Variants in UBXN7 observed in about 807,000 individuals in gnomAD.
UBXN7 encodes the protein UBX domain protein 7.
Under a neutral mutation model 58.0 loss-of-function variants are expected in UBXN7, and 9 were observed. The ratio of observed to expected loss-of-function variants is 0.16; its 90% CI spans 0.09 to 0.27. The LOEUF is 0.27. Ranked by LOEUF, UBXN7 falls within the 10% of genes least tolerant of loss-of-function variation. The probability of loss-of-function intolerance (pLI) is 1.00; values close to 1 mark genes in which losing one functional copy is unlikely to be tolerated. For synonymous variants in UBXN7, 208 were observed against 205.0 expected, an observed-to-expected ratio of 1.01 and a Z score of -0.12; for missense variants, 328 against 599.6, an observed-to-expected ratio of 0.55 and a Z score of 4.73.
At chr3:196,371,875 C>A in intron 6 of UBXN7, 21 bp downstream of exon 6, 3 of 1,601,880 alleles carry the variant, frequency 1.9e-6, no homozygotes, top group Non-Finnish European at 2.6e-6. Context: ...TACAAAACTT[C>A]TGATTAACTC....
At chr3:196,394,847 A>G (rs1241585921) in intron 3 of UBXN7, among the ~76,000 whole-genome samples, 1 of 152,212 alleles carries the variant, frequency 6.6e-6, no homozygotes, top group Non-Finnish European at 1.5e-5. Context: ...AATTCTGGAA[A>G]CTTTTTTCAC....
chr3:196,390,042 A>G (rs1729528458), intron 5 of UBXN7, among the ~76,000 whole-genome samples: 1 of 151,786 alleles, frequency 6.6e-6, no homozygotes, highest in Admixed American at 6.6e-5. Flanking sequence ...ACACAGCAAG[A>G]CCCCCTCTCC....
intron 10 of UBXN7, among the ~76,000 whole-genome samples, chr3:196,361,250 G>C (rs146170740): frequency 1.3e-5 from 2 of 152,258 alleles, no homozygotes; most frequent in African/African-American, 4.8e-5. Context: ...CTGAATTGCT[G>C]CAATCTCATG....
chr3:196,409,039 A>T (rs1730246709), intron 1 of UBXN7, among the ~76,000 whole-genome samples: 1 of 152,180 alleles, frequency 6.6e-6, no homozygotes, highest in Non-Finnish European at 1.5e-5. Context: ...TGTATGTTAC[A>T]ACTCTTCACT....
At chr3:196,376,406 C>T (rs1287809597) in intron 5 of UBXN7, among the ~76,000 whole-genome samples, 2 of 151,414 alleles carry the variant, frequency 1.3e-5, no homozygotes, top group African/African-American at 4.9e-5. Flanking sequence ...ATTAGCCAGG[C>T]GTGGTGGTGT....
At position 196,417,375 on chromosome 3, in the gene UBXN7, C is replaced by T. The variant is rs1020923815; in HGVS notation, c.74-9982G>A. On this transcript the variant is annotated intron_variant, in intron 1 of 10. Coordinates refer to ENST00000296328, the MANE Select transcript of UBXN7 (RefSeq NM_015562.2). ...ATAAAAACCTTTGCCTCCGCCCTGT[C>T]TTATGCCCAGTAACAAAGAGAAAAT... 1.3e-5 allele frequency among the ~76,000 whole-genome samples: 2 copies of T among 152,036 alleles called. 1 individual carries two copies. Among genetic ancestry groups the T allele is most frequent in the South Asian group, 4.1e-4 (2 of 4,828 alleles).
At chr3:196,416,421 A>C (rs1730489736) in intron 1 of UBXN7, among the ~76,000 whole-genome samples, 2 of 151,862 alleles carry the variant, frequency 1.3e-5, no homozygotes, top group South Asian at 4.2e-4. Flanking sequence ...ATTGAGCAAG[A>C]CTCTGTCTCA....
chr3:196,357,368 C>G (rs890215196), intron 10 of UBXN7, among the ~76,000 whole-genome samples: 1 of 152,164 alleles, frequency 6.6e-6, no homozygotes, highest in Non-Finnish European at 1.5e-5. Flanking sequence ...CAAGAATCAG[C>G]CTAATTATCT....
chr3:196,384,613 G>A (rs879772822), intron 5 of UBXN7, among the ~76,000 whole-genome samples: 9 of 152,038 alleles, frequency 5.9e-5, no homozygotes, highest in African/African-American at 1.2e-4. Flanking sequence ...TGATCAAGTC[G>A]GCTTCATCCC....
intron 1 of UBXN7, among the ~76,000 whole-genome samples, chr3:196,412,691 T>C (rs1348000837): frequency 2.6e-5 from 4 of 152,128 alleles, no homozygotes; most frequent in African/African-American, 4.8e-5. Context: ...CATCAACACA[T>C]GAATGGATAA....
chr3:196,372,123 G>GTT (rs1314284036), intron 5 of UBXN7, 81 bp from the exon 6 acceptor site: 21 of 1,453,676 alleles, frequency 1.4e-5, no homozygotes, highest in Non-Finnish European at 1.7e-5. Flanking sequence ...AGAGGTTGTT[G>GTT]TCTTTCATTA....
At chr3:196,402,497 T>C (rs1271194253) in intron 3 of UBXN7, among the ~76,000 whole-genome samples, 2 of 152,216 alleles carry the variant, frequency 1.3e-5, no homozygotes, top group Non-Finnish European at 2.9e-5. Context: ...TCTGATTAAA[T>C]GTCCCATTCT....
chr3:196,432,342 A>C lies in UBXN7; in HGVS notation c.58T>G (p.Phe20Val), dbSNP rs1731097784. 6.2e-7 allele frequency: 1 copy of C among 1,611,498 alleles called. No homozygotes were observed. Among genetic ancestry groups the C allele is most frequent in the Non-Finnish European group, 8.5e-7 (1 of 1,178,624 alleles). ...CGTCTCTTACCGGTAATGGTGGTGA[A>C]CTGTTGAATTAACCCCTTCAGCGCC... Reference protein sequence around the residue: ...SSALKGLIQQFTTITGASESV... With the variant: ...SSALKGLIQQVTTITGASESV... The change falls in exon 1 of 11, where the codon TTC (phenylalanine) becomes GTC (valine). Residue 20 changes from phenylalanine (F) to valine (V), a missense_variant. This residue lies in a region of UBXN7 where 106 missense variants were observed against 124.3 expected (regional missense o/e 0.85). Transcript: ENST00000296328.
chr3:196,432,144 G>T (rs941548966), intron 1 of UBXN7, 183 bp downstream of exon 1: 4 of 783,674 alleles, frequency 5.1e-6, no homozygotes, highest in South Asian at 1.5e-5. Context: ...GGGAGCGGGG[G>T]GGGGCTGTCT....
intron 5 of UBXN7, among the ~76,000 whole-genome samples, chr3:196,374,464 C>T (rs538380274): frequency 6.6e-6 from 1 of 151,904 alleles, no homozygotes; most frequent in South Asian, 2.1e-4. Context: ...CTAATACTAG[C>T]AAAAGAAACT....
intron 9 of UBXN7, 125 bp downstream of exon 9, chr3:196,362,169 T>C (rs1407400971): frequency 7.5e-7 from 1 of 1,325,696 alleles, no homozygotes; most frequent in African/African-American, 1.5e-5. Context: ...AAGTTTTGTA[T>C]TTTTAGTAGA....
rs1295492208 is a variant in UBXN7, at chr3:196,395,646, G to A, written c.290-2027C>T. On this transcript the variant is annotated intron_variant, in intron 3 of 10. Transcript: ENST00000296328. The stretch of plus-strand genomic sequence containing the variant: ...TTGTTTGTTTGTTTTTTTAAGAGAC[G>A]GGCATGTCACTATATCGCCCAGGCT... 3.3e-5 allele frequency among the ~76,000 whole-genome samples: 5 copies of A among 151,814 alleles called. No individual in the cohort carries two copies. In the East Asian group the frequency reaches 5.8e-4, roughly 18 times the overall value.
At chr3:196,374,985 AGG>A in intron 5 of UBXN7, among the ~76,000 whole-genome samples, 1 of 14,866 alleles carries the variant, frequency 6.7e-5, no homozygotes, top group Non-Finnish European at 1.3e-4. Context: ...GAAGGAAGGA[AGG>A]GAGGGAGGGA....
intron 2 of UBXN7, among the ~76,000 whole-genome samples, 195 bp downstream of exon 2, chr3:196,407,047 CCTTT>C (rs1730184757): frequency 6.6e-6 from 1 of 152,208 alleles, no homozygotes; most frequent in Admixed American, 6.5e-5. Context: ...CTACACGGTT[CCTTT>C]GAGGATTAAA....
Sources: gnomAD v4.1 joint callset for allele counts (sites outside exome capture counted in the v4.1 genomes callset) on GRCh38, gnomAD v4.1.1 for gene constraint, gnomAD v4.1.1 regional missense constraint, MANE v1.5 for transcripts, NCBI Gene and HGNC (gene_info 2026-07-23, HGNC 2026-07-21) for gene names.